The following PIK3C2G variants were observed in gnomAD, a reference collection of about 807,000 sequenced individuals.
PIK3C2G encodes phosphatidylinositol 3-kinase C2 domain-containing subunit gamma.
PIK3C2G carries 168 observed loss-of-function variants against 181.1 expected under a neutral mutation model. That is an observed-to-expected ratio of 0.93 (90% CI 0.82 to 1.05). The LOEUF is 1.05. Ranked by LOEUF, PIK3C2G falls within the 50% of genes least tolerant of loss-of-function variation. PIK3C2G has a pLI of 0.00. For synonymous variants in PIK3C2G, 573 were observed against 592.2 expected, an observed-to-expected ratio of 0.97 and a Z score of 0.47; for missense variants, 1,869 against 1,732.8, an observed-to-expected ratio of 1.08 and a Z score of -1.40.
At chr12:18,662,323 T>C in the PIK3C2G span, among the ~76,000 whole-genome samples, 1 of 152,034 alleles carries the variant, frequency 6.6e-6, no homozygotes, top group East Asian at 1.9e-4. Context: ...GGTTTTTAAG[T>C]ACAATTTTTA....
chr12:18,275,329 T>C (rs1476687750), intron 1 of PIK3C2G, among the ~76,000 whole-genome samples: 1 of 152,154 alleles, frequency 6.6e-6, no homozygotes, highest in Non-Finnish European at 1.5e-5. Flanking sequence ...TTCACCTTTC[T>C]TCATTCACTT....
At chr12:18,523,659 A>C (rs1312897163) in intron 24 of PIK3C2G, among the ~76,000 whole-genome samples, 1 of 152,206 alleles carries the variant, frequency 6.6e-6, no homozygotes, top group Non-Finnish European at 1.5e-5. Flanking sequence ...TCTGGGAAAG[A>C]CTTAATGCAA....
chr12:18,616,587 A>C (rs1948618213), intron 31 of PIK3C2G, among the ~76,000 whole-genome samples: 1 of 152,082 alleles, frequency 6.6e-6, no homozygotes, highest in African/African-American at 2.4e-5. Context: ...CCTTCTCTCC[A>C]GATGACATAG....
At chr12:18,321,353 A>G (rs1401935665) in intron 7 of PIK3C2G, among the ~76,000 whole-genome samples, 2 of 152,198 alleles carry the variant, frequency 1.3e-5, no homozygotes, top group Admixed American at 1.3e-4. Context: ...AGCTCTTTGT[A>G]AAACAATTTT....
At chr12:18,614,309 T>G (rs1948491414) in intron 31 of PIK3C2G, among the ~76,000 whole-genome samples, 1 of 152,080 alleles carries the variant, frequency 6.6e-6, no homozygotes, top group Non-Finnish European at 1.5e-5. Flanking sequence ...GTTTCATGAC[T>G]TTTTTTGCCA....
the PIK3C2G span, among the ~76,000 whole-genome samples, chr12:18,714,092 G>T: frequency 6.6e-6 from 1 of 152,176 alleles, no homozygotes; most frequent in Non-Finnish European, 1.5e-5. Context: ...GTAGGCCATT[G>T]TATGCCATCA....
chr12:18,540,485 T>C (rs2136247668), intron 25 of PIK3C2G, among the ~76,000 whole-genome samples: 1 of 152,014 alleles, frequency 6.6e-6, no homozygotes, highest in East Asian at 1.9e-4. Context: ...TGGGCTTTTT[T>C]TCTCTTGTTT....
Position 18,497,448 on chromosome 12 carries a change from AT to A in PIK3C2G, c.2887-163del, listed in dbSNP as rs559458725. Among the ~76,000 whole-genome samples the A allele has an allele frequency of 2.4e-3, 371 of 152,186 alleles. 1 individual carries two copies. Among genetic ancestry groups the A allele is most frequent in the Non-Finnish European group, 4.4e-3 (302 of 67,980 alleles). Reference sequence around the variant, plus strand: ...TTTAAAAGGAAGTTCTCATTTAAAAATTTTTTTTATCAGAAACACAAGGTAA... The same window carrying A: ...TTTAAAAGGAAGTTCTCATTTAAAAATTTTTTTATCAGAAACACAAGGTAA... On this transcript the variant is annotated intron_variant, in intron 21 of 32. Transcript: ENST00000538779.
chr12:18,626,721 C>G (rs1464744594), intron 31 of PIK3C2G, among the ~76,000 whole-genome samples: 1 of 152,022 alleles, frequency 6.6e-6, no homozygotes, highest in Non-Finnish European at 1.5e-5. Flanking sequence ...TTCAGCACTT[C>G]TACTATATCA....
intron 26 of PIK3C2G, among the ~76,000 whole-genome samples, chr12:18,547,281 C>G (rs925695698): frequency 6.6e-6 from 1 of 151,950 alleles, no homozygotes. Flanking sequence ...GAATATACAG[C>G]AAGAAATTGC....
intron 18 of PIK3C2G, among the ~76,000 whole-genome samples, chr12:18,470,336 A>C (rs1391760830): frequency 6.6e-6 from 1 of 152,102 alleles, no homozygotes; most frequent in Non-Finnish European, 1.5e-5. Context: ...CAAGGTAGGA[A>C]GACGCAGGGT....
intron 18 of PIK3C2G, among the ~76,000 whole-genome samples, chr12:18,463,353 T>C (rs1253148283): frequency 1.3e-5 from 2 of 152,266 alleles, no homozygotes; most frequent in Admixed American, 1.3e-4. Context: ...CCTTTGACAA[T>C]GAGTAGCTCA....
At chr12:18,704,176 C>T in the PIK3C2G span, among the ~76,000 whole-genome samples, 1 of 151,884 alleles carries the variant, frequency 6.6e-6, no homozygotes. Flanking sequence ...CAGATGAAGA[C>T]TAAAAGAGGT....
chr12:18,314,107 T>TTC (rs770427618), intron 6 of PIK3C2G, 43 bp downstream of exon 6: 1 of 955,842 alleles, frequency 1.0e-6, no homozygotes, highest in South Asian at 1.5e-5. Flanking sequence ...AAACTGACAG[T>TTC]TTTAAGGACA....
intron 11 of PIK3C2G, among the ~76,000 whole-genome samples, chr12:18,352,792 C>G (rs1186658410): frequency 2.0e-5 from 3 of 152,104 alleles, no homozygotes; most frequent in African/African-American, 7.2e-5. Context: ...TGGCCAAACT[C>G]TTCTTTGAGA....
At chr12:18,324,692 TG>T (rs1951256853) in intron 7 of PIK3C2G, among the ~76,000 whole-genome samples, 1 of 152,210 alleles carries the variant, frequency 6.6e-6, no homozygotes, top group Non-Finnish European at 1.5e-5. Flanking sequence ...TAATATTTCT[TG>T]ATGTTAATAT....
At chr12:18,431,875 AG>A (rs1946179202) in intron 18 of PIK3C2G, among the ~76,000 whole-genome samples, 1 of 152,226 alleles carries the variant, frequency 6.6e-6, no homozygotes, top group Non-Finnish European at 1.5e-5. Context: ...ATGTATACAC[AG>A]GATAGAATCC....
At chr12:18,262,329 T>A (rs1367724600) in intron 1 of PIK3C2G, among the ~76,000 whole-genome samples, 1 of 152,110 alleles carries the variant, frequency 6.6e-6, no homozygotes, top group East Asian at 1.9e-4. Flanking sequence ...TTGTACATAG[T>A]GATCTCCTTT....
At position 18,381,891 on chromosome 12, in the gene PIK3C2G, G is replaced by C; in HGVS notation, c.1995+11G>C. 6.7e-7 allele frequency: 1 copy of C among 1,492,054 alleles called. No individual in the cohort carries two copies. The highest frequency in any genetic ancestry group is 9.4e-7 in the Non-Finnish European group (1 of 1,068,702). The allele number at this position is 1,492,054 out of a possible 1,614,324, so 92.4% of individuals were successfully genotyped here. On this transcript the variant is annotated intron_variant, in intron 14 of 32. Transcript: ENST00000538779. Reference sequence around the variant, plus strand: ...CCGGTGACCCTGCAGGTAAGTGCCAGGCTAAAAGATTAAAGTACACATGGC... The same window carrying C: ...CCGGTGACCCTGCAGGTAAGTGCCACGCTAAAAGATTAAAGTACACATGGC...
Sources: gnomAD v4.1 joint callset for allele counts (sites outside exome capture counted in the v4.1 genomes callset) on GRCh38, gnomAD v4.1.1 for gene constraint, MANE v1.5 for transcripts, NCBI Gene and HGNC (gene_info 2026-07-23, HGNC 2026-07-21) for gene names.